The following DESI1 variants were observed in gnomAD, a reference collection of about 807,000 sequenced individuals.
The protein encoded by DESI1 is PPPDE peptidase domain containing 2.
In DESI1, 17 loss-of-function variants were observed where a neutral mutation model predicts 22.4. The observed-to-expected ratio is 0.76, with a 90% CI of 0.52 to 1.14. DESI1 has a LOEUF of 1.14. Among genes scored for constraint, DESI1 ranks in the 50% most tolerant of loss-of-function variants. The pLI is 0.00. For synonymous variants in DESI1, 92 were observed against 84.2 expected (o/e 1.09, Z -0.51); for missense variants, 177 against 208.9 (o/e 0.85, Z 0.94).
At chr22:41,614,590 C>CATTTTTTTTTT (rs2067538433) in intron 1 of DESI1, among the ~76,000 whole-genome samples, 1 of 85,748 alleles carries the variant, frequency 1.2e-5, no homozygotes, top group Non-Finnish European at 2.2e-5. Flanking sequence ...GGCCTACATC[C>CATTTTTTTTTT]TTTTTTTTTT....
chr22:41,614,619 C>T (rs8135299), intron 1 of DESI1, among the ~76,000 whole-genome samples: 87,170 of 124,202 alleles, frequency 0.7, 30,938 homozygotes, highest in East Asian at 0.9. Context: ...GAGTCTCACT[C>T]TATCACCCAG....
chr22:41,616,525 AACAC>A (rs55785001), intron 1 of DESI1, among the ~76,000 whole-genome samples: 11,002 of 146,538 alleles, frequency 0.075, 761 homozygotes, highest in African/African-American at 0.19. Context: ...CCACAATTAA[AACAC>A]ACACACACAC....
rs977326524 is a variant in DESI1 at position 41,602,317 on chromosome 22, G to A, written c.413+942C>T. On this transcript the variant is annotated intron_variant, in intron 5 of 5. Coordinates refer to ENST00000263256, the MANE Select transcript of DESI1 (RefSeq NM_015704.3). ...CAGCAAGCACATTCTGGCTACTCCAGTTTGCTCAGGGCCCCATAACCTAGA... is the reference window on the plus strand; with the variant it reads ...CAGCAAGCACATTCTGGCTACTCCAATTTGCTCAGGGCCCCATAACCTAGA... The A allele has an allele frequency of 5.2e-5, 51 of 985,412 alleles. No individual in the cohort carries two copies. The African/African-American group carries it at 7.8e-4, about 15-fold the overall frequency. 61.0% of individuals were successfully genotyped at this position (985,412 alleles called of 1,614,324 possible). A position where few individuals can be genotyped will look rare whatever the true frequency, so the allele number is the denominator to read the frequency against.
intron 1 of DESI1, among the ~76,000 whole-genome samples, chr22:41,614,504 C>T (rs1300082575): frequency 6.8e-5 from 10 of 146,630 alleles, no homozygotes; most frequent in African/African-American, 7.6e-5. Context: ...CTGCAACCTC[C>T]GTCTCCGGGG....
chr22:41,605,366 G>A (rs1030979140), intron 3 of DESI1, among the ~76,000 whole-genome samples: 5 of 152,206 alleles, frequency 3.3e-5, no homozygotes, highest in Non-Finnish European at 7.3e-5. Context: ...GAGAGACTGA[G>A]GTTGAGTGGG....
chr22:41,605,799 T>C (rs2067475827), intron 3 of DESI1, among the ~76,000 whole-genome samples: 1 of 152,108 alleles, frequency 6.6e-6, no homozygotes, highest in African/African-American at 2.4e-5. Context: ...AAGGGGAGGC[T>C]GGAAAAGTAC....
chr22:41,618,647 T>G (rs572243834), intron 1 of DESI1, among the ~76,000 whole-genome samples: 2 of 151,502 alleles, frequency 1.3e-5, no homozygotes, highest in East Asian at 1.9e-4. Flanking sequence ...TATTAGGTAA[T>G]AGGATAAAAA....
rs541334405 is a variant in DESI1, at chr22:41,598,546, G to A, written c.*2551C>T. On this transcript the variant is annotated 3_prime_UTR_variant, in exon 6 of 6. Coordinates refer to ENST00000263256, the MANE Select transcript of DESI1 (RefSeq NM_015704.3). ...AGGGGGGTGCTGTTCAAGGAAATGA[G>A]TGACTCAAATTCTCTCAGGGGAGCT... 2.6e-5 allele frequency: 4 copies of A among 152,570 alleles called. No individual in the cohort carries two copies. The highest frequency in any genetic ancestry group is 1.9e-4 in the East Asian group (1 of 5,190). The allele number at this position is 152,570 out of a possible 1,614,324, so 9.5% of individuals were successfully genotyped here.
Position 41,601,160 on chromosome 22 carries a change from C to A in DESI1, c.444G>T (p.Leu148=), listed in dbSNP as rs1312613449. ...TPFGQALRPL[L]DSIQIQPPGG... is the part of the protein sequence containing the mutation. ...CTGGAGGCTGGATCTGAATGGAGTC[C>A]AGGAGGGGCCGAAGTGCCTGTCCAA... Residue 148 remains leucine, a synonymous_variant, in exon 6 of 6, where the codon CTG becomes CTT. Coordinates refer to ENST00000263256, the MANE Select transcript of DESI1 (RefSeq NM_015704.3). The A allele has an allele frequency of 6.2e-7, 1 of 1,612,382 alleles. No homozygotes were observed.
intron 5 of DESI1, among the ~76,000 whole-genome samples, chr22:41,601,660 CA>C (rs2067450602): frequency 2.6e-5 from 4 of 152,158 alleles, no homozygotes; most frequent in Non-Finnish European, 2.9e-5. Context: ...AGAGGTCTGC[CA>C]GGGAGTACAG....
chr22:41,620,506 C>T (rs952363997), intron 1 of DESI1, among the ~76,000 whole-genome samples: 2 of 152,166 alleles, frequency 1.3e-5, no homozygotes, highest in African/African-American at 4.8e-5. Context: ...AAGCCCCCTG[C>T]AAGGTGGAGG....
chr22:41,608,728 T>C (rs534758531), intron 1 of DESI1, among the ~76,000 whole-genome samples: 20 of 152,124 alleles, frequency 1.3e-4, no homozygotes, highest in African/African-American at 4.6e-4. Context: ...TAACTGTAGT[T>C]GTGGGATAGC....
rs141543996 is a variant in DESI1 at position 41,607,369 on chromosome 22, T to C, written c.111-38A>G. 418 of 1,580,024 alleles carry C rather than the reference T, an allele frequency of 2.6e-4. No homozygotes were observed. The African/African-American group carries it at 5.3e-3, about 20-fold the overall frequency. ...GAGAGACACAGTAAGCCAGAAAACT[T>C]AAACTTTTGAGAAAAAGCAAACACC... On this transcript the variant is annotated intron_variant, in intron 2 of 5. Transcript: ENST00000263256.
At chr22:41,610,028 C>T (rs1333206991) in intron 1 of DESI1, among the ~76,000 whole-genome samples, 2 of 148,878 alleles carry the variant, frequency 1.3e-5, no homozygotes, top group Non-Finnish European at 3.0e-5. Flanking sequence ...TGCAGTGAGC[C>T]GAGATTGCGC....
chr22:41,602,798 G>A (rs2067456758), intron 5 of DESI1: 2 of 1,029,748 alleles, frequency 1.9e-6, no homozygotes, highest in Non-Finnish European at 2.3e-6. Context: ...AATACATGAG[G>A]GCAAGTAGAA....
chr22:41,605,667 C>G (rs1391766352), intron 3 of DESI1, among the ~76,000 whole-genome samples: 2 of 152,174 alleles, frequency 1.3e-5, no homozygotes, highest in African/African-American at 2.4e-5. Flanking sequence ...AGGCCTTATG[C>G]TAGGCACTGG....
At position 41,607,295 on chromosome 22, in the gene DESI1, G is replaced by A. The variant is rs2067488898; in HGVS notation, c.147C>T (p.Phe49=). 1 of 1,612,730 alleles carries A rather than the reference G, an allele frequency of 6.2e-7. No homozygotes were observed. The change falls in exon 3 of 6, where the codon TTC becomes TTT. Residue 49 remains phenylalanine (F), a synonymous_variant. Transcript: ENST00000263256. Reference sequence around the variant, plus strand: ...AGCTGGAGATACCACCACTGCCGAAGAAGAACTCATCCTTGTGCACAACTA... The same window carrying A: ...AGCTGGAGATACCACCACTGCCGAAAAAGAACTCATCCTTGTGCACAACTA... ...TSIVVHKDEF[F]FGSGGISSCP...
At chr22:41,615,309 G>A (rs1397436287) in intron 1 of DESI1, among the ~76,000 whole-genome samples, 1 of 149,986 alleles carries the variant, frequency 6.7e-6, no homozygotes, top group African/African-American at 2.5e-5. Context: ...AGCCAGGCAC[G>A]GTGGCGGGCG....
intron 1 of DESI1, among the ~76,000 whole-genome samples, chr22:41,612,277 G>A (rs1034665126): frequency 7.2e-5 from 11 of 152,074 alleles, no homozygotes; most frequent in African/African-American, 2.4e-4. Context: ...GGGAGGCAGA[G>A]GCGGGCGGAT....
Sources: allele counts gnomAD v4.1 joint callset (sites outside exome capture counted in the v4.1 genomes callset), GRCh38; gene constraint gnomAD v4.1.1; transcripts MANE v1.5; gene names NCBI Gene and HGNC (gene_info 2026-07-23, HGNC 2026-07-21).